Variants in NECTIN3 observed in about 807,000 individuals in gnomAD.
The protein encoded by NECTIN3 is nectin cell adhesion molecule 3, also known as nectin-3.
In NECTIN3, 8 loss-of-function variants were observed where a neutral mutation model predicts 49.4. The ratio of observed to expected loss-of-function variants is 0.16; its 90% CI spans 0.10 to 0.29. The LOEUF (loss-of-function observed/expected upper bound fraction) is 0.29. NECTIN3 is among the 10% of genes least tolerant of loss of function. NECTIN3 has a pLI of 1.00. For synonymous variants in NECTIN3, 277 were observed against 241.1 expected, an observed-to-expected ratio of 1.15 and a Z score of -1.38; for missense variants, 581 against 654.6, an observed-to-expected ratio of 0.89 and a Z score of 1.23.
At chr3:111,131,370 T>C (rs1051187560) in intron 5 of NECTIN3, among the ~76,000 whole-genome samples, 11 of 152,042 alleles carry the variant, frequency 7.2e-5, no homozygotes, top group African/African-American at 2.7e-4. Context: ...AATCATGATA[T>C]GGTGATGAAA....
intron 7 of NECTIN3, among the ~76,000 whole-genome samples, chr3:111,183,594 G>T (rs565221571): frequency 1.3e-5 from 2 of 151,990 alleles, no homozygotes; most frequent in African/African-American, 2.4e-5. Context: ...GATTACAGGC[G>T]TGAGCCACAA....
chr3:111,096,570 A>G (rs1268273785), intron 1 of NECTIN3, among the ~76,000 whole-genome samples: 1 of 152,186 alleles, frequency 6.6e-6, no homozygotes, highest in African/African-American at 2.4e-5. Context: ...CTCCCATCAC[A>G]GGCCTGGAGG....
At position 111,135,961 on chromosome 3, in the gene NECTIN3, G is replaced by T; in HGVS notation, c.*1746G>T. On this transcript the variant is annotated 3_prime_UTR_variant, in exon 6 of 6. Coordinates refer to ENST00000485303, the MANE Select transcript of NECTIN3 (RefSeq NM_015480.3). ...ACTTATATCTTCTTACAAATGTCTGGGTTTTAATATGGTTAATCACTTATA... is the reference window on the plus strand; with the variant it reads ...ACTTATATCTTCTTACAAATGTCTGTGTTTTAATATGGTTAATCACTTATA... 1 of 938,738 alleles carries T rather than the reference G, an allele frequency of 1.1e-6. No homozygotes were observed. The highest frequency in any genetic ancestry group is 1.3e-6 in the Non-Finnish European group (1 of 788,144). 58.2% of individuals were successfully genotyped at this position (938,738 alleles called of 1,614,324 possible).
At chr3:111,188,629 A>C (rs905646345), upstream of NECTIN3, among the ~76,000 whole-genome samples, 6 of 152,180 alleles carry the variant, frequency 3.9e-5, no homozygotes, top group African/African-American at 1.4e-4. Context: ...GCTCTTTAAA[A>C]TCTGTTTGTA....
intron 7 of NECTIN3, among the ~76,000 whole-genome samples, chr3:111,173,902 A>G (rs925543631): frequency 1.3e-5 from 2 of 151,596 alleles, no homozygotes; most frequent in Non-Finnish European, 1.5e-5. Flanking sequence ...CCTATTGTTG[A>G]TAGTAAAATC....
At chr3:111,118,248 CTA>C (rs34878535) in intron 2 of NECTIN3, among the ~76,000 whole-genome samples, 5,984 of 77,920 alleles carry the variant, frequency 0.077, 284 homozygotes, top group African/African-American at 0.15. Flanking sequence ...TAAAATGAAG[CTA>C]TATATATATA....
chr3:111,147,430 ACCT>A (rs1357793756), exon 7 of NECTIN3: 6 of 1,532,008 alleles, frequency 3.9e-6, no homozygotes, highest in Non-Finnish European at 5.2e-6. Flanking sequence ...CACATAAACC[ACCT>A]CCTCTGTATG....
intron 1 of NECTIN3, among the ~76,000 whole-genome samples, chr3:111,096,857 T>G (rs750723811): frequency 6.6e-6 from 1 of 152,172 alleles, no homozygotes; most frequent in Non-Finnish European, 1.5e-5. Flanking sequence ...GGCAAATGTT[T>G]GTTGCAGGGT....
At chr3:111,100,019 C>G (rs1418073780) in intron 1 of NECTIN3, among the ~76,000 whole-genome samples, 2 of 152,098 alleles carry the variant, frequency 1.3e-5, no homozygotes, top group Non-Finnish European at 2.9e-5. Context: ...CTAGGTTAGT[C>G]CAACTCCAAA....
intron 1 of NECTIN3, among the ~76,000 whole-genome samples, chr3:111,103,539 T>C (rs1240924104): frequency 2.6e-5 from 4 of 151,798 alleles, no homozygotes; most frequent in Non-Finnish European, 4.4e-5. Context: ...TCACCCACAA[T>C]GACTAAATTT....
In NECTIN3 at chr3:111,186,226, C is replaced by A. The variant is rs905630010; in HGVS notation, c.1222-6125C>A. The stretch of plus-strand genomic sequence containing the variant: ...AAACTATTTTAAAATTCATATGGAA[C>A]CAAAAAAGAGTTTGAATAGCCAAGG... On this transcript the variant is annotated intron_variant, in intron 7 of 8. Transcript: ENST00000493615. Among the ~76,000 whole-genome samples the A allele has an allele frequency of 7.3e-5, 11 of 151,704 alleles. No individual in the cohort carries two copies. The South Asian group carries it at 2.3e-3, about 32-fold the overall frequency.
intron 1 of NECTIN3, among the ~76,000 whole-genome samples, chr3:111,098,270 ACT>A (rs999692607): frequency 1.5e-4 from 23 of 152,064 alleles, no homozygotes; most frequent in African/African-American, 5.5e-4. Flanking sequence ...TTAGTGCAAT[ACT>A]CTCTTATATT....
chr3:111,166,200 C>A (rs752598267), intron 7 of NECTIN3, among the ~76,000 whole-genome samples: 11 of 152,058 alleles, frequency 7.2e-5, no homozygotes, highest in Non-Finnish European at 1.6e-4. Context: ...GAGAATTGAC[C>A]CCCAGCAATT....
intron 7 of NECTIN3, among the ~76,000 whole-genome samples, chr3:111,179,039 G>A (rs1201338698): frequency 6.6e-6 from 1 of 152,176 alleles, no homozygotes; most frequent in Admixed American, 6.5e-5. Context: ...CCTGCTATAT[G>A]GATAAGGCAG....
chr3:111,109,244 T>C (rs1434594333), intron 1 of NECTIN3, among the ~76,000 whole-genome samples: 2 of 152,122 alleles, frequency 1.3e-5, no homozygotes, highest in African/African-American at 4.8e-5. Flanking sequence ...AGATACTACC[T>C]TTGAGGTCAG....
At position 111,072,144 on chromosome 3, in the gene NECTIN3, C is replaced by G; in HGVS notation, c.127C>G (p.Leu43Val). The change falls in exon 1 of 6, where the codon CTC (leucine) becomes GTC (valine). Residue 43 changes from leucine to valine, a missense_variant. Around this residue, in one of 3 missense-constraint regions of NECTIN3, gnomAD observed 109 missense variants for 69.1 expected, o/e 1.58. Coordinates refer to ENST00000485303, the MANE Select transcript of NECTIN3 (RefSeq NM_015480.3). ...GACGCCACCTCCGCTGCTGCTGCTG[C>G]TCTTCCCGCTGCTGCTCTTCTCCAG... ...PPTPPPLLLL[L>V]FPLLLFSRLC... The G allele has an allele frequency of 6.4e-7, 1 of 1,551,550 alleles. No individual in the cohort carries two copies. Among genetic ancestry groups the G allele is most frequent in the Non-Finnish European group, 8.7e-7 (1 of 1,147,658 alleles).
Position 111,071,965 on chromosome 3 carries a change from G to GGCCGGGGAA in NECTIN3, c.-46_-45insAAGCCGGGG. The GGCCGGGGAA allele has an allele frequency of 7.6e-7, 1 of 1,321,740 alleles. No individual in the cohort carries two copies. The highest frequency in any genetic ancestry group is 9.9e-7 in the Non-Finnish European group (1 of 1,014,706). The allele number at this position is 1,321,740 out of a possible 1,614,324, so 81.9% of individuals were successfully genotyped here. A position where few individuals can be genotyped will look rare whatever the true frequency, so the allele number is the denominator to read the frequency against. On this transcript the variant is annotated 5_prime_UTR_variant, in exon 1 of 6. Transcript: ENST00000485303. ...CTCCGCCCAGAGCCTGAGGCGCCGG[G>GGCCGGGGAA]GCCGGGGGAGCCGGGGGGCGGGCGG... is the stretch of plus-strand genomic sequence containing the variant.
At chr3:111,132,056 G>T (rs1177369094) in intron 5 of NECTIN3, among the ~76,000 whole-genome samples, 1 of 151,564 alleles carries the variant, frequency 6.6e-6, no homozygotes, top group Non-Finnish European at 1.5e-5. Context: ...TATTTTTAAT[G>T]TTCTAATGCT....
chr3:111,080,102 A>G (rs535627012), intron 1 of NECTIN3, among the ~76,000 whole-genome samples: 11 of 152,260 alleles, frequency 7.2e-5, no homozygotes, highest in Non-Finnish European at 1.3e-4. Flanking sequence ...ATAATTAGTA[A>G]TACTAATTAG....
Sources: allele counts gnomAD v4.1 joint callset (sites outside exome capture counted in the v4.1 genomes callset), GRCh38; gene constraint gnomAD v4.1.1; regional missense constraint gnomAD v4.1.1; transcripts MANE v1.5; gene names NCBI Gene and HGNC (gene_info 2026-07-23, HGNC 2026-07-21).